Variants in KCNAB1 observed in about 807,000 individuals in gnomAD.
The protein encoded by KCNAB1 is potassium voltage-gated channel subfamily A regulatory beta subunit 1, also known as voltage-gated potassium channel subunit beta-1.
KCNAB1 carries 35 observed loss-of-function variants against 64.6 expected under a neutral mutation model. The observed-to-expected ratio is 0.54, with a 90% CI of 0.41 to 0.72. The LOEUF is 0.72. KCNAB1 is among the 30% of genes least tolerant of loss of function. KCNAB1 has a pLI of 0.00. For missense variants in KCNAB1, 401 were observed against 512.9 expected, an observed-to-expected ratio of 0.78 and a Z score of 2.11; for synonymous variants, 177 against 183.8, an observed-to-expected ratio of 0.96 and a Z score of 0.30.
At chr3:156,246,995 A>G (rs534775653) in intron 1 of KCNAB1, among the ~76,000 whole-genome samples, 1 of 152,342 alleles carries the variant, frequency 6.6e-6, no homozygotes, top group Non-Finnish European at 1.5e-5. Context: ...CTATCAATGC[A>G]TAAGAAACCA....
At chr3:156,473,019 T>C (rs1343133897) in intron 7 of KCNAB1, among the ~76,000 whole-genome samples, 5 of 152,192 alleles carry the variant, frequency 3.3e-5, no homozygotes, top group African/African-American at 9.6e-5. Context: ...GAGAGGGCCA[T>C]TGTCAGAAAA....
In KCNAB1 at chr3:156,183,070, A is replaced by G. The variant is rs564236697; in HGVS notation, c.275+62184A>G. Reference sequence around the variant, plus strand: ...TTTTTACCATACAATAATTGATTTAAAGAGTACTTCAAAAATAACTAAATG... The same window carrying G: ...TTTTTACCATACAATAATTGATTTAGAGAGTACTTCAAAAATAACTAAATG... On this transcript the variant is annotated intron_variant, in intron 1 of 13. Coordinates refer to ENST00000490337, the MANE Select transcript of KCNAB1 (RefSeq NM_172160.3). 6.6e-5 allele frequency among the ~76,000 whole-genome samples: 10 copies of G among 152,172 alleles called. No homozygotes were observed. In the South Asian group the frequency reaches 2.1e-3, roughly 32 times the overall value.
intron 1 of KCNAB1, among the ~76,000 whole-genome samples, chr3:156,170,375 A>G (rs149352051): frequency 4.6e-5 from 7 of 152,280 alleles, no homozygotes; most frequent in African/African-American, 1.7e-4. Flanking sequence ...GTTGCAAAGT[A>G]TGCTTGTCCA....
chr3:156,404,620 G>A (rs1273229378), intron 1 of KCNAB1, among the ~76,000 whole-genome samples: 2 of 152,158 alleles, frequency 1.3e-5, no homozygotes, highest in Non-Finnish European at 2.9e-5. Flanking sequence ...TTAAATGTAT[G>A]CACATTTTAT....
intron 1 of KCNAB1, among the ~76,000 whole-genome samples, chr3:156,272,731 A>G (rs1719109789): frequency 6.6e-6 from 1 of 151,986 alleles, no homozygotes; most frequent in South Asian, 2.1e-4. Flanking sequence ...CTAAGCTGCA[A>G]GACAAAACCC....
At chr3:156,279,736 C>T (rs1380957917) in intron 1 of KCNAB1, among the ~76,000 whole-genome samples, 2 of 152,148 alleles carry the variant, frequency 1.3e-5, no homozygotes, top group Non-Finnish European at 2.9e-5. Context: ...AGCATTTTTT[C>T]ATTTGTTTTT....
intron 1 of KCNAB1, among the ~76,000 whole-genome samples, chr3:156,197,475 C>T (rs967918099): frequency 6.6e-6 from 1 of 152,124 alleles, no homozygotes; most frequent in African/African-American, 2.4e-5. Flanking sequence ...ATTACTGCCT[C>T]AATTTCAGAA....
At chr3:156,328,270 G>A (rs1317878820) in intron 1 of KCNAB1, among the ~76,000 whole-genome samples, 2 of 152,086 alleles carry the variant, frequency 1.3e-5, no homozygotes, top group Non-Finnish European at 2.9e-5. Flanking sequence ...AAAAGAGTTT[G>A]GGCTCTATTC....
At chr3:156,431,591 T>C (rs906479650) in intron 2 of KCNAB1, among the ~76,000 whole-genome samples, 2 of 152,176 alleles carry the variant, frequency 1.3e-5, no homozygotes, top group African/African-American at 4.8e-5. Flanking sequence ...AGGAATGCCT[T>C]AAGGGCCTCA....
intron 1 of KCNAB1, among the ~76,000 whole-genome samples, chr3:156,299,974 ATTG>A (rs1721045279): frequency 6.6e-6 from 1 of 152,142 alleles, no homozygotes; most frequent in East Asian, 1.9e-4. Flanking sequence ...GGTTTTCAGA[ATTG>A]TTGTCTATTG....
intron 1 of KCNAB1, among the ~76,000 whole-genome samples, chr3:156,149,526 G>A (rs1387234575): frequency 6.6e-6 from 1 of 152,116 alleles, no homozygotes; most frequent in African/African-American, 2.4e-5. Context: ...AGATAAGTAG[G>A]AACAATTTTT....
chr3:156,144,989 G>A (rs960307652), intron 1 of KCNAB1, among the ~76,000 whole-genome samples: 4 of 152,180 alleles, frequency 2.6e-5, no homozygotes, highest in African/African-American at 7.2e-5. Context: ...TCAGCTAAAG[G>A]TGGGAGCTTG....
intron 1 of KCNAB1, among the ~76,000 whole-genome samples, chr3:156,315,918 C>T (rs1459573917): frequency 6.6e-6 from 1 of 152,160 alleles, no homozygotes; most frequent in East Asian, 1.9e-4. Flanking sequence ...GATAACCTGA[C>T]AACATGTTTG....
intron 12 of KCNAB1, 155 bp downstream of exon 12, chr3:156,524,102 T>G: frequency 1.3e-6 from 1 of 764,842 alleles, no homozygotes; most frequent in South Asian, 2.5e-5. Flanking sequence ...GTGAGTTATT[T>G]GAGGTTCCCC....
At chr3:156,397,850 G>T (rs1355631838) in intron 1 of KCNAB1, among the ~76,000 whole-genome samples, 1 of 151,950 alleles carries the variant, frequency 6.6e-6, no homozygotes, top group Non-Finnish European at 1.5e-5. Flanking sequence ...ACTAATAATT[G>T]ATTGTTTACA....
In KCNAB1 at chr3:156,120,643, GTCAGATC is replaced by G. The variant is rs1713281349; in HGVS notation, c.38_44del (p.Ile13ArgfsTer6). The G allele has an allele frequency of 1.9e-6, 3 of 1,614,244 alleles. No individual in the cohort carries two copies. In the East Asian group the frequency reaches 6.7e-5, roughly 36 times the overall value. On this transcript the variant is annotated frameshift_variant, in exon 1 of 14. Coordinates refer to ENST00000490337, the MANE Select transcript of KCNAB1 (RefSeq NM_172160.3). LOFTEE classifies it high-confidence loss of function. ...GCAGCCCGGACAGGGGCAGCGGGGA[GTCAGATC>G]TCAGAGGAGAACACCAAGTTAAGGA...
At chr3:156,158,806 C>T (rs903923473) in intron 1 of KCNAB1, among the ~76,000 whole-genome samples, 14 of 152,002 alleles carry the variant, frequency 9.2e-5, no homozygotes, top group Admixed American at 1.3e-4. Flanking sequence ...GTCAGGGTTA[C>T]ACCCTACCTC....
At chr3:156,255,545 ACT>A (rs1718055512) in intron 1 of KCNAB1, among the ~76,000 whole-genome samples, 2 of 151,062 alleles carry the variant, frequency 1.3e-5, no homozygotes, top group South Asian at 2.1e-4. Flanking sequence ...TTCCTCTTAC[ACT>A]CTCTTTTACC....
At chr3:156,313,068 C>T (rs1003080621) in intron 1 of KCNAB1, among the ~76,000 whole-genome samples, 2 of 152,060 alleles carry the variant, frequency 1.3e-5, no homozygotes, top group Non-Finnish European at 1.5e-5. Flanking sequence ...TAGGAGGTAT[C>T]GATGGTCTTA....
Sources: allele counts gnomAD v4.1 joint callset (sites outside exome capture counted in the v4.1 genomes callset), GRCh38; gene constraint gnomAD v4.1.1; transcripts MANE v1.5; gene names NCBI Gene and HGNC (gene_info 2026-07-23, HGNC 2026-07-21).